Variants in APBB2 observed in about 807,000 individuals in gnomAD.
APBB2 encodes the protein amyloid beta precursor protein binding family B member 2, also known as Fe65-like 1.
A neutral mutation model predicts 82.5 loss-of-function variants in APBB2; 38 were observed. That is an observed-to-expected ratio of 0.46 (90% confidence interval 0.36 to 0.60). APBB2 has a LOEUF of 0.60. APBB2 is among the 20% of genes least tolerant of loss of function. The probability of loss-of-function intolerance (pLI) is 0.00; values close to 1 mark genes in which losing one functional copy is unlikely to be tolerated. For missense variants in APBB2, 772 were observed against 972.3 expected (o/e 0.79, Z 2.74); for synonymous variants, 341 against 368.2 (o/e 0.93, Z 0.85).
At chr4:41,179,060 C>A (rs967234216) in intron 1 of APBB2, among the ~76,000 whole-genome samples, 2 of 151,926 alleles carry the variant, frequency 1.3e-5, no homozygotes, top group Admixed American at 1.3e-4. Flanking sequence ...ATACGTGTCA[C>A]GTCTATTGCA....
intron 12 of APBB2, among the ~76,000 whole-genome samples, chr4:40,854,461 A>G (rs1379862600): frequency 6.6e-6 from 1 of 152,198 alleles, no homozygotes; most frequent in African/African-American, 2.4e-5. Flanking sequence ...GGACAGATGT[A>G]AAGCTTTGCT....
At chr4:40,902,631 T>C (rs982831695) in intron 10 of APBB2, among the ~76,000 whole-genome samples, 1 of 152,170 alleles carries the variant, frequency 6.6e-6, no homozygotes, top group South Asian at 2.1e-4. Flanking sequence ...CCTCCCAGGC[T>C]CAAGCAATCC....
chr4:40,867,296 C>T (rs983108923), intron 12 of APBB2, among the ~76,000 whole-genome samples: 19 of 152,282 alleles, frequency 1.2e-4, no homozygotes, highest in African/African-American at 4.6e-4. Flanking sequence ...TTAATATAAA[C>T]GATGAGTATA....
At chr4:41,119,522 T>TAAA (rs35952366) in intron 2 of APBB2, among the ~76,000 whole-genome samples, 3 of 118,054 alleles carry the variant, frequency 2.5e-5, no homozygotes, top group African/African-American at 6.4e-5. Flanking sequence ...GAAGTTCCAT[T>TAAA]AAAAAAAAAA....
chr4:41,129,570 C>T (rs1755381119), intron 2 of APBB2, among the ~76,000 whole-genome samples: 1 of 152,200 alleles, frequency 6.6e-6, no homozygotes. Context: ...TGTTGTGCCT[C>T]ACTGAACCAT....
intron 5 of APBB2, among the ~76,000 whole-genome samples, chr4:41,017,334 T>C (rs762565243): frequency 2.6e-5 from 4 of 152,208 alleles, no homozygotes; most frequent in Admixed American, 6.5e-5. Context: ...CCATGAACTA[T>C]AGAGTTCCTC....
intron 6 of APBB2, among the ~76,000 whole-genome samples, chr4:41,009,418 G>T (rs868296806): frequency 6.6e-6 from 1 of 152,200 alleles, no homozygotes; most frequent in African/African-American, 2.4e-5. Context: ...GAGGAAAAGG[G>T]CAGCCACATA....
chr4:41,141,349 T>C (rs1396037893), intron 2 of APBB2, among the ~76,000 whole-genome samples: 1 of 89,828 alleles, frequency 1.1e-5, no homozygotes, highest in African/African-American at 4.7e-5. Context: ...TGTGTGTGTC[T>C]GTGTGTCTGT....
At chr4:40,923,626 G>A (rs539649376) in intron 10 of APBB2, among the ~76,000 whole-genome samples, 27 of 152,348 alleles carry the variant, frequency 1.8e-4, no homozygotes, top group African/African-American at 5.3e-4. Flanking sequence ...TGCTGCCACC[G>A]CGGCTGGCTG....
chr4:41,209,278 G>A (rs1468813921), intron 1 of APBB2, among the ~76,000 whole-genome samples: 1 of 152,082 alleles, frequency 6.6e-6, no homozygotes, highest in Non-Finnish European at 1.5e-5. Context: ...AAAGCAAAAT[G>A]CACTAAAAAC....
At chr4:40,962,617 G>A (rs967309779) in intron 6 of APBB2, among the ~76,000 whole-genome samples, 8 of 152,172 alleles carry the variant, frequency 5.3e-5, no homozygotes, top group African/African-American at 1.9e-4. Context: ...GAATATAAGA[G>A]AATGTATTTA....
intron 2 of APBB2, chr4:41,138,046 AG>A (rs1371800855): frequency 3.9e-5 from 6 of 152,240 alleles, no homozygotes; most frequent in African/African-American, 1.4e-4. Flanking sequence ...TGGCACCTGT[AG>A]TTCCAGTTAC....
At chr4:41,140,381 T>C (rs565744697) in intron 2 of APBB2, among the ~76,000 whole-genome samples, 10 of 152,268 alleles carry the variant, frequency 6.6e-5, no homozygotes, top group Non-Finnish European at 1.2e-4. Flanking sequence ...GAATTAAATC[T>C]ATTTTTTAAA....
intron 10 of APBB2, among the ~76,000 whole-genome samples, chr4:40,898,601 A>G (rs1044431313): frequency 1.3e-5 from 2 of 151,814 alleles, no homozygotes; most frequent in African/African-American, 4.8e-5. Context: ...ACTCTTTTCT[A>G]TTAGTGGATT....
chr4:40,814,062 G>C lies in APBB2; in HGVS notation c.*2030C>G, dbSNP rs1167108329. Reference sequence around the variant, plus strand: ...CCTCATGAATTCTGAGGGAATGGCAGGTAGAAAAGCCACCCACTCATTCCA... The same window carrying C: ...CCTCATGAATTCTGAGGGAATGGCACGTAGAAAAGCCACCCACTCATTCCA... On this transcript the variant is annotated 3_prime_UTR_variant, in exon 18 of 18. Coordinates refer to ENST00000508593, the MANE Select transcript of APBB2 (RefSeq NM_004307.2). 6.6e-6 allele frequency: 1 copy of C among 152,146 alleles called. No homozygotes were observed. The highest frequency in any genetic ancestry group is 1.5e-5 in the Non-Finnish European group (1 of 68,028). The allele number at this position is 152,146 out of a possible 1,614,324, so 9.4% of individuals were successfully genotyped here. A position where few individuals can be genotyped will look rare whatever the true frequency, so the allele number is the denominator to read the frequency against.
intron 12 of APBB2, among the ~76,000 whole-genome samples, chr4:40,837,149 T>G (rs1465241143): frequency 6.6e-6 from 1 of 152,184 alleles, no homozygotes; most frequent in Non-Finnish European, 1.5e-5. Flanking sequence ...CCTAAACTGG[T>G]GCGATCAGCT....
chr4:41,173,439 G>A (rs1560952328), intron 1 of APBB2, among the ~76,000 whole-genome samples: 1 of 152,144 alleles, frequency 6.6e-6, no homozygotes, highest in Non-Finnish European at 1.5e-5. Flanking sequence ...CTATCGGCCA[G>A]GGGAGAAACT....
chr4:41,109,465 T>C (rs528663343), intron 2 of APBB2, among the ~76,000 whole-genome samples: 1 of 151,620 alleles, frequency 6.6e-6, no homozygotes, highest in Non-Finnish European at 1.5e-5. Context: ...TAATTTTTGG[T>C]TGTTTTGTTT....
chr4:41,057,906 G>A (rs537934658), intron 4 of APBB2, among the ~76,000 whole-genome samples: 66 of 152,244 alleles, frequency 4.3e-4, no homozygotes, highest in African/African-American at 1.6e-3. Flanking sequence ...CCTGCCCTGA[G>A]GACAACACAT....
Sources: gnomAD v4.1 joint callset for allele counts (sites outside exome capture counted in the v4.1 genomes callset) on GRCh38, gnomAD v4.1.1 for gene constraint, MANE v1.5 for transcripts, NCBI Gene and HGNC (gene_info 2026-07-23, HGNC 2026-07-21) for gene names.